Variants in PDE4A observed in about 807,000 individuals in gnomAD.
PDE4A encodes 3',5'-cyclic-AMP phosphodiesterase 4A.
In PDE4A, 21 loss-of-function variants were observed where a neutral mutation model predicts 73.9. That is an observed-to-expected ratio of 0.28 (90% CI 0.20 to 0.41). The LOEUF (loss-of-function observed/expected upper bound fraction) is 0.41. PDE4A is among the 10% of genes least tolerant of loss of function. The pLI, the probability that PDE4A is intolerant of heterozygous loss-of-function variation, is 1.00. For synonymous variants in PDE4A, 463 were observed against 505.4 expected, an observed-to-expected ratio of 0.92 and a Z score of 1.13; for missense variants, 958 against 1,211.4, an observed-to-expected ratio of 0.79 and a Z score of 3.10.
In PDE4A at chr19:10,424,437, C is replaced by T. The variant is rs1316467018; in HGVS notation, c.320+3353C>T. Among the ~76,000 whole-genome samples the T allele has an allele frequency of 6.6e-6, 1 of 152,224 alleles. No homozygotes were observed. Among genetic ancestry groups the T allele is most frequent in the Admixed American group, 6.5e-5 (1 of 15,288 alleles). Reference sequence around the variant, plus strand: ...TCGCCTCCCCCTTGTCCCTGGCGCTCCCAAGTCCCTGGATGTGGGTTGGGA... The same window carrying T: ...TCGCCTCCCCCTTGTCCCTGGCGCTTCCAAGTCCCTGGATGTGGGTTGGGA... On this transcript the variant is annotated intron_variant, in intron 1 of 14. Coordinates refer to ENST00000380702, the MANE Select transcript of PDE4A (RefSeq NM_001111307.2). The surrounding 1 kb of genome is among the most constrained non-coding windows in gnomAD (Gnocchi z 4.8).
Position 10,467,324 on chromosome 19 carries a change from T to C in PDE4A, c.2364T>C (p.Ser788=). The change falls in exon 15 of 15, where the codon AGT becomes AGC. Residue 788 remains serine (S), a synonymous_variant. Transcript: ENST00000380702. ...YLTQQAQSTG[S]APVAPDEFSS... is the part of the protein sequence containing the mutation. ...CACAGCAGGCACAGTCCACAGGCAG[T>C]GCACCTGTGGCTCCGGATGAGTTCT... is the stretch of plus-strand genomic sequence containing the variant. 1.9e-6 allele frequency: 3 copies of C among 1,614,172 alleles called. No homozygotes were observed. Among genetic ancestry groups the C allele is most frequent in the Middle Eastern group, 1.6e-4 (1 of 6,062 alleles).
chr19:10,442,634 G>A (rs958548652), intron 1 of PDE4A, among the ~76,000 whole-genome samples: 1 of 151,978 alleles, frequency 6.6e-6, no homozygotes, highest in African/African-American at 2.4e-5. Context: ...GATCTCTTGA[G>A]CCCAGGAGTT....
chr19:10,416,939 C>T (rs185503309), upstream of PDE4A: 1,749 of 1,542,260 alleles, frequency 1.1e-3, 3 homozygotes, highest in Admixed American at 3.7e-3. Context: ...GCTAGGTTGG[C>T]GAGATGAAGA....
rs1369498666 is a variant in PDE4A at position 10,420,920 on chromosome 19, G to A, written c.156G>A (p.Ala52=). The part of the protein sequence containing the change: ...RIQQRGYSDS[A]ERAERERQPH... ...AGCAGCGCGGCTACTCCGACAGCGC[G>A]GAGCGCGCCGAGCGGGAGCGGCAGC... is the stretch of plus-strand genomic sequence containing the variant. Residue 52 remains alanine, a synonymous_variant, in exon 1 of 15, where the codon GCG becomes GCA. Transcript: ENST00000380702. The surrounding 1 kb of genome is among the most constrained non-coding windows in gnomAD (Gnocchi z 6.0). 8 of 1,582,000 alleles carry A rather than the reference G, an allele frequency of 5.1e-6. No homozygotes were observed. Among genetic ancestry groups the A allele is most frequent in the Non-Finnish European group, 6.8e-6 (8 of 1,173,120 alleles).
At chr19:10,431,409 C>T (rs1057018788) in intron 1 of PDE4A, among the ~76,000 whole-genome samples, 1 of 152,232 alleles carries the variant, frequency 6.6e-6, no homozygotes, top group East Asian at 1.9e-4. Context: ...CCTCAGTCTA[C>T]TGGCCTGTGA....
chr19:10,462,064 T>C (rs1035641306), intron 13 of PDE4A, 65 bp downstream of exon 13: 1 of 1,340,344 alleles, frequency 7.5e-7, no homozygotes, highest in Non-Finnish European at 1.0e-6. Flanking sequence ...TAGGTCTGGG[T>C]AGCTAACTGC....
chr19:10,441,784 G>A (rs576365240), intron 1 of PDE4A, among the ~76,000 whole-genome samples: 21 of 149,862 alleles, frequency 1.4e-4, no homozygotes, highest in Middle Eastern at 3.4e-3. Flanking sequence ...CCGCCTCCTG[G>A]GTTCAAGGGA....
intron 1 of PDE4A, among the ~76,000 whole-genome samples, chr19:10,429,279 GAAGAAAGA>G (rs201177635): frequency 1.2e-4 from 15 of 120,356 alleles, no homozygotes; most frequent in South Asian, 3.0e-4. Context: ...AGGAAGGAAG[GAAGAAAGA>G]AAGAAAGAAA....
intron 1 of PDE4A, among the ~76,000 whole-genome samples, chr19:10,443,259 G>A (rs2042961864): frequency 6.6e-6 from 1 of 152,132 alleles, no homozygotes; most frequent in Non-Finnish European, 1.5e-5. Flanking sequence ...GGTGGCTCAC[G>A]CCTGTAATCC....
At chr19:10,452,614 G>A (rs540127472) in intron 6 of PDE4A, among the ~76,000 whole-genome samples, 2 of 137,704 alleles carry the variant, frequency 1.5e-5, no homozygotes, top group Admixed American at 6.9e-5. Flanking sequence ...CTGTCTCCGG[G>A]TGTGTGTGTG....
At chr19:10,416,807 G>A (rs1203337136), upstream of PDE4A, 2 of 1,518,662 alleles carry the variant, frequency 1.3e-6, no homozygotes, top group South Asian at 1.2e-5. Flanking sequence ...GGCAAGTGGC[G>A]GGGGCGGGTT....
chr19:10,446,271 C>T lies in PDE4A; in HGVS notation c.374C>T (p.Ser125Leu), dbSNP rs777941698. 1.9e-6 allele frequency: 3 copies of T among 1,603,306 alleles called. No homozygotes were observed. Among genetic ancestry groups the T allele is most frequent in the South Asian group, 1.1e-5 (1 of 89,750 alleles). The change falls in exon 2 of 15, where the codon TCG (serine) becomes TTG (leucine). Residue 125 changes from serine (S) to leucine (L), a missense_variant. This residue lies in a region of PDE4A where 570 missense variants were observed against 827.7 expected (regional missense o/e 0.69). Transcript: ENST00000380702. Reference protein sequence around the residue: ...TPSPGRSPLDSQASPGLVLHA... With the variant: ...TPSPGRSPLDLQASPGLVLHA... ...TCTCCTGGCCGCAGCCCCCTGGACT[C>T]GCAGGCGAGCCCAGGACTCGTGCTG... is the stretch of plus-strand genomic sequence containing the variant.
At chr19:10,464,009 G>C (rs748039245) in intron 14 of PDE4A, 34 bp downstream of exon 14, 5 of 1,612,820 alleles carry the variant, frequency 3.1e-6, no homozygotes, top group Non-Finnish European at 4.2e-6. Flanking sequence ...ACGGGCACAG[G>C]GTGAGTCTCC....
upstream of PDE4A, chr19:10,419,456 CTCGCCT>C (rs1388402178): frequency 1.3e-5 from 2 of 152,108 alleles, no homozygotes; most frequent in Non-Finnish European, 2.9e-5. Flanking sequence ...CGCCTGTTTA[CTCGCCT>C]GAAAAGGGCA....
chr19:10,460,985 TC>T lies in PDE4A; in HGVS notation c.1366-17del, dbSNP rs1568383382. The stretch of plus-strand genomic sequence containing the variant: ...TGGCTTCAACTCTGTTATTCTAACA[TC>T]CGTGTCTCTGCTCCCAGGCAGTGTT... On this transcript the variant is annotated intron_variant, in intron 10 of 14. Transcript: ENST00000380702. 3 of 1,606,898 alleles carry T rather than the reference TC, an allele frequency of 1.9e-6. No homozygotes were observed. The highest frequency in any genetic ancestry group is 2.2e-5 in the East Asian group (1 of 44,614).
At chr19:10,418,018 C>T (rs1414149186), upstream of PDE4A, among the ~76,000 whole-genome samples, 3 of 152,184 alleles carry the variant, frequency 2.0e-5, no homozygotes, top group Non-Finnish European at 4.4e-5. Context: ...GACACCCCTA[C>T]CCCAAGGCAC....
chr19:10,462,408 G>T (rs1308288776), intron 13 of PDE4A, among the ~76,000 whole-genome samples: 2 of 71,930 alleles, frequency 2.8e-5, no homozygotes, highest in Non-Finnish European at 6.2e-5. Context: ...CCCGCCCCCC[G>T]CCTTGGCCTC....
intron 7 of PDE4A, among the ~76,000 whole-genome samples, chr19:10,455,993 A>C (rs77328061): frequency 0.021 from 2,923 of 140,946 alleles, 105 homozygotes; most frequent in African/African-American, 0.073. Flanking sequence ...AAACTGAAAA[A>C]CCCCCAAATT....
intron 1 of PDE4A, 122 bp downstream of exon 1, chr19:10,421,206 A>C (rs1045285384): frequency 6.0e-6 from 8 of 1,332,276 alleles, no homozygotes; most frequent in African/African-American, 1.5e-5. Flanking sequence ...GCGGGGGCGG[A>C]GGGAATTCGG....
Sources: allele counts gnomAD v4.1 joint callset (sites outside exome capture counted in the v4.1 genomes callset), GRCh38; gene constraint gnomAD v4.1.1; regional missense constraint gnomAD v4.1.1; non-coding constraint Gnocchi (gnomAD v3.1); transcripts MANE v1.5; gene names NCBI Gene and HGNC (gene_info 2026-07-23, HGNC 2026-07-21).